The following CNTNAP2 variants were observed in gnomAD, a reference collection of about 807,000 sequenced individuals.
CNTNAP2 encodes contactin associated protein 2, also known as contactin-associated protein-like 2.
In CNTNAP2, 98 loss-of-function variants were observed where a neutral mutation model predicts 155.2. The ratio of observed to expected loss-of-function variants is 0.63; its 90% CI spans 0.54 to 0.75. The LOEUF (loss-of-function observed/expected upper bound fraction) is 0.75. Among genes scored for constraint, CNTNAP2 ranks in the 30% least tolerant of loss-of-function variants. The pLI, the probability that CNTNAP2 is intolerant of heterozygous loss-of-function variation, is 0.00. For synonymous variants in CNTNAP2, 651 were observed against 631.2 expected, an observed-to-expected ratio of 1.03 and a Z score of -0.47; for missense variants, 1,727 against 1,688.1, an observed-to-expected ratio of 1.02 and a Z score of -0.40.
chr7:146,907,208 C>G (rs970633313), intron 3 of CNTNAP2, among the ~76,000 whole-genome samples: 2 of 151,580 alleles, frequency 1.3e-5, no homozygotes, highest in African/African-American at 4.9e-5. Context: ...AGAATGGAAC[C>G]AAGTTGGAAA....
intron 12 of CNTNAP2, among the ~76,000 whole-genome samples, chr7:147,587,965 T>G (rs1800663085): frequency 6.6e-6 from 1 of 152,156 alleles, no homozygotes; most frequent in African/African-American, 2.4e-5. Flanking sequence ...TAAATTTGCT[T>G]TCCTGAGCCT....
intron 15 of CNTNAP2, among the ~76,000 whole-genome samples, chr7:148,080,325 G>A (rs1803569693): frequency 6.6e-6 from 1 of 152,118 alleles, no homozygotes; most frequent in East Asian, 1.9e-4. Context: ...TGATAAAGCG[G>A]CCGGGCACGG....
intron 2 of CNTNAP2, among the ~76,000 whole-genome samples, chr7:146,828,083 G>A (rs771941972): frequency 6.6e-6 from 1 of 151,922 alleles, no homozygotes; most frequent in Admixed American, 6.6e-5. Context: ...CATAAAAATT[G>A]CTTATAAAAT....
chr7:148,390,327 C>T (rs1799318152), intron 22 of CNTNAP2, among the ~76,000 whole-genome samples: 1 of 151,902 alleles, frequency 6.6e-6, no homozygotes, highest in African/African-American at 2.4e-5. Context: ...CAGTGTGGGG[C>T]AGGACTCGGT....
In CNTNAP2 at chr7:146,167,675, G is replaced by A. The variant is rs539460132; in HGVS notation, c.97+50702G>A. On this transcript the variant is annotated intron_variant, in intron 1 of 23. Coordinates refer to ENST00000361727, the MANE Select transcript of CNTNAP2 (RefSeq NM_014141.6). ...GAGGAGGTGTATGTTTGAGGAGAAA[G>A]ATACTGAATTTTTGTTTGGACACAG... 2.0e-5 allele frequency among the ~76,000 whole-genome samples: 3 copies of A among 152,298 alleles called. No individual in the cohort carries two copies. In the East Asian group the frequency reaches 5.8e-4, roughly 29 times the overall value.
At chr7:146,770,783 G>T (rs936310549) in intron 1 of CNTNAP2, among the ~76,000 whole-genome samples, 1 of 151,938 alleles carries the variant, frequency 6.6e-6, no homozygotes, top group African/African-American at 2.4e-5. Flanking sequence ...CTATATTATG[G>T]TTTTATAAAT....
At chr7:148,017,410 T>C (rs1231701257) in intron 15 of CNTNAP2, among the ~76,000 whole-genome samples, 1 of 152,194 alleles carries the variant, frequency 6.6e-6, no homozygotes, top group African/African-American at 2.4e-5. Flanking sequence ...CTTGGAATTG[T>C]TAAAATTTTT....
chr7:147,421,601 G>GTGTGTGTGTGTGTA (rs1797292183), intron 10 of CNTNAP2, among the ~76,000 whole-genome samples: 1 of 151,472 alleles, frequency 6.6e-6, no homozygotes, highest in Non-Finnish European at 1.5e-5. Flanking sequence ...GTGTGTGTGT[G>GTGTGTGTGTGTGTA]TGTGTGTGTG....
At chr7:147,392,830 T>C (rs1796743971) in intron 9 of CNTNAP2, among the ~76,000 whole-genome samples, 1 of 152,088 alleles carries the variant, frequency 6.6e-6, no homozygotes, top group South Asian at 2.1e-4. Context: ...CTATGGTATA[T>C]ATACAATGGA....
intron 13 of CNTNAP2, among the ~76,000 whole-genome samples, chr7:147,901,734 C>A (rs1285487823): frequency 1.5e-4 from 23 of 152,182 alleles, no homozygotes. Flanking sequence ...TTGCCTCCCC[C>A]ACTCTCCTCT....
At chr7:147,635,895 T>G (rs1031539539) in intron 12 of CNTNAP2, among the ~76,000 whole-genome samples, 5 of 152,098 alleles carry the variant, frequency 3.3e-5, no homozygotes, top group African/African-American at 4.8e-5. Flanking sequence ...GATAGAGATT[T>G]GTGAGAAAAA....
intron 1 of CNTNAP2, among the ~76,000 whole-genome samples, chr7:146,545,062 T>C (rs1483154425): frequency 1.3e-5 from 2 of 151,844 alleles, no homozygotes; most frequent in African/African-American, 2.4e-5. Context: ...CAAGGTATCT[T>C]TGGGGTAGTT....
intron 10 of CNTNAP2, among the ~76,000 whole-genome samples, chr7:147,421,847 C>G (rs1220878482): frequency 6.6e-6 from 1 of 151,774 alleles, no homozygotes; most frequent in Admixed American, 6.6e-5. Flanking sequence ...GTGGCACTGC[C>G]CCCTCAACTC....
chr7:148,287,559 A>G (rs1017682146), intron 21 of CNTNAP2, among the ~76,000 whole-genome samples: 5 of 152,192 alleles, frequency 3.3e-5, no homozygotes, highest in African/African-American at 1.2e-4. Flanking sequence ...TTTAACAAAT[A>G]TGCATATATC....
chr7:146,601,827 G>A (rs1342321558), intron 1 of CNTNAP2, among the ~76,000 whole-genome samples: 1 of 151,992 alleles, frequency 6.6e-6, no homozygotes, highest in Non-Finnish European at 1.5e-5. Flanking sequence ...TGCAAAAAAA[G>A]TAGAAGAATT....
At chr7:147,572,126 G>A (rs1800306458) in intron 12 of CNTNAP2, among the ~76,000 whole-genome samples, 1 of 152,150 alleles carries the variant, frequency 6.6e-6, no homozygotes, top group African/African-American at 2.4e-5. Context: ...AACACAGCCT[G>A]TAAAGAACTC....
chr7:146,582,371 T>C (rs1034243193), intron 1 of CNTNAP2, among the ~76,000 whole-genome samples: 3 of 152,108 alleles, frequency 2.0e-5, no homozygotes, highest in African/African-American at 4.8e-5. Context: ...TGAGTTAAAA[T>C]AGAGGTTATA....
rs74326860 is a variant in CNTNAP2 at position 147,234,981 on chromosome 7, G to A, written c.1349-65160G>A. Among the ~76,000 whole-genome samples, 516 of 152,234 alleles carry A rather than the reference G, an allele frequency of 3.4e-3. 8 individuals carry two copies. Among genetic ancestry groups the A allele is most frequent in the Middle Eastern group, 0.017 (5 of 294 alleles). ...TATGTGAACTGAGCTAGGACACAGG[G>A]TGCCCAGACATTTAGCCAGACATTA... On this transcript the variant is annotated intron_variant, in intron 8 of 23. Coordinates refer to ENST00000361727, the MANE Select transcript of CNTNAP2 (RefSeq NM_014141.6).
intron 13 of CNTNAP2, among the ~76,000 whole-genome samples, chr7:147,880,009 G>T (rs944372968): frequency 2.6e-4 from 40 of 152,204 alleles, no homozygotes; most frequent in Admixed American, 1.2e-3. Flanking sequence ...AAACAGTGGT[G>T]ATGAGATCCA....
Sources: gnomAD v4.1 joint callset for allele counts (sites outside exome capture counted in the v4.1 genomes callset) on GRCh38, gnomAD v4.1.1 for gene constraint, MANE v1.5 for transcripts, NCBI Gene and HGNC (gene_info 2026-07-23, HGNC 2026-07-21) for gene names.